The following DPP10 variants were observed in gnomAD, a reference collection of about 807,000 sequenced individuals.
DPP10 encodes the protein dipeptidyl peptidase like 10, also known as inactive dipeptidyl peptidase 10.
Under a neutral mutation model 120.9 loss-of-function variants are expected in DPP10, and 33 were observed. The ratio of observed to expected loss-of-function variants is 0.27; its 90% CI spans 0.21 to 0.37. The LOEUF (loss-of-function observed/expected upper bound fraction) is 0.37. DPP10 is among the 10% of genes least tolerant of loss of function. The pLI is 1.00. For missense variants in DPP10, 816 were observed against 942.8 expected (o/e 0.87, Z 1.76); for synonymous variants, 337 against 326.1 (o/e 1.03, Z -0.36).
intron 1 of DPP10, among the ~76,000 whole-genome samples, chr2:114,621,549 A>G (rs1694091540): frequency 6.6e-6 from 1 of 152,082 alleles, no homozygotes; most frequent in African/African-American, 2.4e-5. Context: ...TCACCTGCTA[A>G]TGAATATTCC....
chr2:114,568,288 A>T (rs1470785883), intron 1 of DPP10, among the ~76,000 whole-genome samples: 1 of 152,110 alleles, frequency 6.6e-6, no homozygotes, highest in Non-Finnish European at 1.5e-5. Context: ...AATATTTATC[A>T]TTTCTATATG....
At chr2:114,668,815 C>T (rs1451507793) in intron 1 of DPP10, among the ~76,000 whole-genome samples, 2 of 152,056 alleles carry the variant, frequency 1.3e-5, no homozygotes, top group Non-Finnish European at 2.9e-5. Flanking sequence ...TGATAGGAGA[C>T]TTTTTATTGC....
intron 1 of DPP10, among the ~76,000 whole-genome samples, chr2:114,711,236 C>T (rs539485128): frequency 6.6e-6 from 1 of 152,308 alleles, no homozygotes; most frequent in Admixed American, 6.5e-5. Flanking sequence ...TTCCTGCCCC[C>T]AGAAAACTTT....
chr2:114,454,161 T>C (rs1390386577), intron 1 of DPP10, among the ~76,000 whole-genome samples: 3 of 152,156 alleles, frequency 2.0e-5, no homozygotes, highest in Admixed American at 6.5e-5. Flanking sequence ...CAATAGCAGC[T>C]TGGTGAAGAA....
chr2:115,639,928 A>T (rs1026490380), intron 5 of DPP10, among the ~76,000 whole-genome samples: 1 of 151,966 alleles, frequency 6.6e-6, no homozygotes, highest in Non-Finnish European at 1.5e-5. Context: ...CAGATATATA[A>T]GTGATTTTTT....
intron 1 of DPP10, among the ~76,000 whole-genome samples, chr2:114,687,597 T>C (rs1337916316): frequency 6.6e-6 from 1 of 151,992 alleles, no homozygotes; most frequent in African/African-American, 2.4e-5. Context: ...TTTAAAGCTT[T>C]CAACCACAGA....
At chr2:115,506,707 T>TA (rs2076959925) in intron 4 of DPP10, among the ~76,000 whole-genome samples, 1 of 152,132 alleles carries the variant, frequency 6.6e-6, no homozygotes, top group African/African-American at 2.4e-5. Context: ...ATAGAATAGA[T>TA]ATCTATGTAT....
intron 2 of DPP10, among the ~76,000 whole-genome samples, chr2:115,324,459 G>T (rs1274667669): frequency 6.6e-6 from 1 of 152,008 alleles, no homozygotes; most frequent in Non-Finnish European, 1.5e-5. Context: ...ATGGAAATAG[G>T]GTCTTTCCTT....
intron 1 of DPP10, among the ~76,000 whole-genome samples, chr2:114,953,814 TTTG>T (rs1232128093): frequency 4.6e-5 from 7 of 152,276 alleles, no homozygotes; most frequent in South Asian, 2.1e-4. Flanking sequence ...TAATGTTTTG[TTTG>T]TTATTTATTA....
chr2:114,736,213 C>T (rs1212971928), intron 1 of DPP10, among the ~76,000 whole-genome samples: 1 of 151,982 alleles, frequency 6.6e-6, no homozygotes, highest in Non-Finnish European at 1.5e-5. Context: ...CCATGCTCCT[C>T]CCTCCACTGC....
intron 1 of DPP10, among the ~76,000 whole-genome samples, chr2:114,891,842 G>A (rs1387882514): frequency 6.6e-6 from 1 of 152,126 alleles, no homozygotes; most frequent in Admixed American, 6.5e-5. Flanking sequence ...ACAAGACAAG[G>A]AATTCTGCAC....
intron 4 of DPP10, among the ~76,000 whole-genome samples, chr2:115,517,808 T>A (rs1421373055): frequency 6.6e-6 from 1 of 152,214 alleles, no homozygotes. Context: ...TTGTCTTATC[T>A]GCTAAATAGA....
chr2:115,156,202 T>C (rs1406657204), intron 1 of DPP10, among the ~76,000 whole-genome samples: 1 of 152,194 alleles, frequency 6.6e-6, no homozygotes, highest in East Asian at 1.9e-4. Flanking sequence ...TCCCCTGATA[T>C]CCCGAAACTA....
At chr2:114,461,411 G>A (rs1325366063) in intron 1 of DPP10, among the ~76,000 whole-genome samples, 1 of 152,150 alleles carries the variant, frequency 6.6e-6, no homozygotes, top group Non-Finnish European at 1.5e-5. Flanking sequence ...GATCCCATTG[G>A]TTCACCAGGA....
intron 1 of DPP10, among the ~76,000 whole-genome samples, chr2:114,825,604 AT>A (rs1686456527): frequency 6.6e-6 from 1 of 152,218 alleles, no homozygotes; most frequent in Admixed American, 6.5e-5. Context: ...AGGATGCTCA[AT>A]TATATGTGCA....
chr2:114,928,254 T>A (rs1695788012), intron 1 of DPP10, among the ~76,000 whole-genome samples: 1 of 152,336 alleles, frequency 6.6e-6, no homozygotes, highest in South Asian at 2.1e-4. Context: ...TCAAGACAAG[T>A]TCCTTAGAGC....
intron 1 of DPP10, among the ~76,000 whole-genome samples, chr2:115,002,322 G>A (rs978840232): frequency 5.9e-5 from 9 of 152,210 alleles, no homozygotes; most frequent in East Asian, 3.9e-4. Context: ...TTAGCCATAC[G>A]GAGTGGTTTG....
intron 1 of DPP10, among the ~76,000 whole-genome samples, chr2:115,238,613 T>A (rs1012369379): frequency 6.6e-6 from 1 of 151,784 alleles, no homozygotes; most frequent in Admixed American, 6.6e-5. Context: ...AGAAGTGGAG[T>A]CTCCAGAAGT....
At chr2:115,493,776 G>A (rs756309445) in intron 3 of DPP10, among the ~76,000 whole-genome samples, 4 of 152,040 alleles carry the variant, frequency 2.6e-5, no homozygotes, top group Non-Finnish European at 5.9e-5. Flanking sequence ...CTGGAAGTCT[G>A]AAATTTCAGT....
Sources: allele counts gnomAD v4.1 joint callset (sites outside exome capture counted in the v4.1 genomes callset), GRCh38; gene constraint gnomAD v4.1.1; transcripts MANE v1.5; gene names NCBI Gene and HGNC (gene_info 2026-07-23, HGNC 2026-07-21).